Variants in MVK observed in about 807,000 individuals in gnomAD.
MVK encodes the protein mevalonate kinase.
Under a neutral mutation model 43.2 loss-of-function variants are expected in MVK, and 34 were observed. The ratio of observed to expected loss-of-function variants is 0.79; its 90% confidence interval spans 0.60 to 1.05. The LOEUF is 1.05. Among genes scored for constraint, MVK ranks in the 50% least tolerant of loss-of-function variants. The pLI, the probability that MVK is intolerant of heterozygous loss-of-function variation, is 0.00. For missense variants in MVK, 395 were observed against 504.0 expected (o/e 0.78, Z 2.07); for synonymous variants, 190 against 219.8 (o/e 0.86, Z 1.20).
At chr12:109,580,252 AC>A (rs775302487) in intron 4 of MVK, among the ~76,000 whole-genome samples, 7 of 152,008 alleles carry the variant, frequency 4.6e-5, no homozygotes, top group Non-Finnish European at 1.0e-4. Flanking sequence ...ACAGGTGCGC[AC>A]CACCATGCCT....
At chr12:109,585,759 C>CAA (rs3837524) in intron 5 of MVK, among the ~76,000 whole-genome samples, 5 of 148,184 alleles carry the variant, frequency 3.4e-5, no homozygotes, top group African/African-American at 1.0e-4. Context: ...GACTCCGTCT[C>CAA]AAAAAAAAAG....
At chr12:109,579,152 T>A (rs1355694883) in intron 3 of MVK, 5 of 404,526 alleles carry the variant, frequency 1.2e-5, no homozygotes, top group African/African-American at 6.3e-5. Context: ...TTTTTTTTTT[T>A]TTTTTGAGAC....
In MVK at chr12:109,597,420, G is replaced by A. The variant is rs1885968723; in HGVS notation, c.*843G>A. 6.6e-6 allele frequency: 1 copy of A among 152,360 alleles called. No homozygotes were observed. The highest frequency in any genetic ancestry group is 2.4e-5 in the African/African-American group (1 of 41,424). The allele number at this position is 152,360 out of a possible 1,614,324, so 9.4% of individuals were successfully genotyped here. ...GGCTTTTCCCAGATGGCCCTTGCTGGAGAGGGACTGGGACACGGCTCTCAG... is the reference window on the plus strand; with the variant it reads ...GGCTTTTCCCAGATGGCCCTTGCTGAAGAGGGACTGGGACACGGCTCTCAG... On this transcript the variant is annotated 3_prime_UTR_variant, in exon 11 of 11. Transcript: ENST00000228510.
At chr12:109,576,336 C>A (rs1383141858) in intron 3 of MVK, among the ~76,000 whole-genome samples, 191 bp downstream of exon 3, 2 of 152,000 alleles carry the variant, frequency 1.3e-5, no homozygotes, top group Non-Finnish European at 2.9e-5. Flanking sequence ...TGCATTGGAT[C>A]TCTGTGGGCT....
In MVK at chr12:109,591,271, T is replaced by C. The variant is rs1885666876; in HGVS notation, c.799T>C (p.Ser267Pro). 1 of 1,614,130 alleles carries C rather than the reference T, an allele frequency of 6.2e-7. No individual in the cohort carries two copies. The highest frequency in any genetic ancestry group is 8.5e-7 in the Non-Finnish European group (1 of 1,180,020). Residue 267 changes from serine to proline, a missense_variant, in exon 9 of 11, where the codon TCA (serine) becomes CCA (proline). Transcript: ENST00000228510. Reference sequence around the variant, plus strand: ...AGAGATCGTGGCCCCCCTCCTGACCTCAATAGATGCCATCTCCCTGGAGTG... The same window carrying C: ...AGAGATCGTGGCCCCCCTCCTGACCCCAATAGATGCCATCTCCCTGGAGTG... ...FPEIVAPLLTSIDAISLECER... is the reference protein window; with the variant it reads ...FPEIVAPLLTPIDAISLECER...
intron 5 of MVK, among the ~76,000 whole-genome samples, chr12:109,581,970 A>G (rs1482255690): frequency 1.3e-5 from 2 of 152,162 alleles, no homozygotes; most frequent in African/African-American, 4.8e-5. Flanking sequence ...GTCCAGTTTT[A>G]CCACATGGTT....
intron 7 of MVK, chr12:109,587,244 G>T: frequency 4.2e-6 from 1 of 236,866 alleles, no homozygotes; most frequent in South Asian, 5.9e-5. Context: ...GACAATGTGA[G>T]AGTCACCATG....
intron 9 of MVK, among the ~76,000 whole-genome samples, chr12:109,594,816 G>A (rs1566152689): frequency 6.6e-6 from 1 of 152,230 alleles, no homozygotes; most frequent in Non-Finnish European, 1.5e-5. Flanking sequence ...CTGCTGTGGT[G>A]AAGGTATGCT....
rs529385941 is a variant in MVK at position 109,597,676 on chromosome 12, C to T, written c.*1099C>T. ...TCCCCACCCCCGCCCCCCACCGGCC[C>T]TATTTGAACTTTATATTGCAGTCAG... On this transcript the variant is annotated 3_prime_UTR_variant, in exon 11 of 11. Transcript: ENST00000228510. 6.6e-6 allele frequency: 1 copy of T among 152,358 alleles called. No individual in the cohort carries two copies. Among genetic ancestry groups the T allele is most frequent in the East Asian group, 1.9e-4 (1 of 5,194 alleles). The allele number at this position is 152,358 out of a possible 1,614,324, so 9.4% of individuals were successfully genotyped here.
intron 9 of MVK, among the ~76,000 whole-genome samples, chr12:109,593,268 C>T (rs1313963677): frequency 6.6e-6 from 1 of 152,238 alleles, no homozygotes; most frequent in Non-Finnish European, 1.5e-5. Flanking sequence ...CCTGTCTGCT[C>T]ATTTGTCAAA....
In MVK at chr12:109,585,899, G is replaced by A. The variant is rs140704989; in HGVS notation, c.528-123G>A. The A allele has an allele frequency of 3.6e-5, 28 of 781,018 alleles. No individual in the cohort carries two copies. The Middle Eastern group carries it at 2.4e-3, about 67-fold the overall frequency. 48.4% of individuals were successfully genotyped at this position (781,018 alleles called of 1,614,324 possible). On this transcript the variant is annotated intron_variant, in intron 5 of 10. Transcript: ENST00000228510. ...AGCTGGAGAGGTTCAGAGTGGACTTGTTCTTTCTGAGCTCAAGGGCCCAAG... is the reference window on the plus strand; with the variant it reads ...AGCTGGAGAGGTTCAGAGTGGACTTATTCTTTCTGAGCTCAAGGGCCCAAG...
At position 109,581,473 on chromosome 12, in the gene MVK, G is replaced by A. The variant is rs201123232; in HGVS notation, c.450G>A (p.Ser150=). The A allele has an allele frequency of 1.1e-5, 18 of 1,614,048 alleles. No individual in the cohort carries two copies. Among genetic ancestry groups the A allele is most frequent in the Middle Eastern group, 1.6e-4 (1 of 6,084 alleles). ...GAGLGSSAAY[S]VCLAAALLTV... ...GCTTGGGCTCCAGCGCCGCCTACTC[G>A]GTGTGTCTGGCAGCAGCCCTCCTGA... The change falls in exon 5 of 11, where the codon TCG becomes TCA. Residue 150 remains serine (S), a synonymous_variant. Transcript: ENST00000228510.
At chr12:109,573,313 G>A (rs2136213224), upstream of MVK, 1 of 1,612,084 alleles carries the variant, frequency 6.2e-7, no homozygotes, top group Non-Finnish European at 8.5e-7. Context: ...ATTCACGGCA[G>A]GTGTTCGAGT....
At chr12:109,579,017 C>G in intron 3 of MVK, 1 of 286,022 alleles carries the variant, frequency 3.5e-6, no homozygotes, top group South Asian at 2.8e-5. Context: ...TGGGGGTTAA[C>G]TTAACACTCT....
intron 4 of MVK, among the ~76,000 whole-genome samples, chr12:109,580,265 G>A (rs759230538): frequency 6.6e-6 from 1 of 152,084 alleles, no homozygotes; most frequent in Non-Finnish European, 1.5e-5. Context: ...ACCATGCCTG[G>A]CTAAATTTTT....
At chr12:109,586,602 C>T in intron 6 of MVK, 152 bp from the exon 7 acceptor site, 1 of 840,078 alleles carries the variant, frequency 1.2e-6, no homozygotes, top group Non-Finnish European at 2.0e-6. Context: ...TGCCCTCCTG[C>T]ACCTTTTGTA....
chr12:109,591,981 C>T (rs1484507830), intron 9 of MVK, among the ~76,000 whole-genome samples: 2 of 152,184 alleles, frequency 1.3e-5, no homozygotes, highest in Non-Finnish European at 2.9e-5. Flanking sequence ...CGCAGTGGCT[C>T]ACCTGTAGTA....
chr12:109,592,586 A>G (rs1222616446), intron 9 of MVK, among the ~76,000 whole-genome samples: 2 of 152,164 alleles, frequency 1.3e-5, no homozygotes, highest in Non-Finnish European at 2.9e-5. Flanking sequence ...GCCTTTTACA[A>G]ATGATTCTTT....
intron 3 of MVK, chr12:109,579,384 C>T: frequency 2.8e-6 from 1 of 351,546 alleles, no homozygotes; most frequent in South Asian, 2.1e-5. Flanking sequence ...AAGTGATCTG[C>T]CCACCTTGGC....
Sources: allele counts gnomAD v4.1 joint callset (sites outside exome capture counted in the v4.1 genomes callset), GRCh38; gene constraint gnomAD v4.1.1; transcripts MANE v1.5; gene names NCBI Gene and HGNC (gene_info 2026-07-23, HGNC 2026-07-21).